Variants in NEBL observed in about 807,000 individuals in gnomAD.
NEBL encodes nebulette.
Under a neutral mutation model 140.2 loss-of-function variants are expected in NEBL, and 122 were observed. The observed-to-expected ratio is 0.87, with a 90% CI of 0.75 to 1.01. The LOEUF (loss-of-function observed/expected upper bound fraction) is 1.01, where lower values mean the gene tolerates loss of function less well. Among genes scored for constraint, NEBL ranks in the 50% least tolerant of loss-of-function variants. The probability of loss-of-function intolerance (pLI) is 0.00; values close to 1 mark genes in which losing one functional copy is unlikely to be tolerated. For missense variants in NEBL, 1,365 were observed against 1,231.3 expected, an observed-to-expected ratio of 1.11 and a Z score of -1.62; for synonymous variants, 436 against 398.9, an observed-to-expected ratio of 1.09 and a Z score of -1.11.
At chr10:20,929,353 T>C (rs1038386978) in intron 4 of NEBL, among the ~76,000 whole-genome samples, 1 of 152,044 alleles carries the variant, frequency 6.6e-6, no homozygotes, top group Admixed American at 6.6e-5. Flanking sequence ...ACCATTTTAT[T>C]TGTCAATATT....
intron 1 of NEBL, among the ~76,000 whole-genome samples, chr10:21,258,176 A>G (rs1242102489): frequency 6.6e-6 from 1 of 152,060 alleles, no homozygotes; most frequent in African/African-American, 2.4e-5. Flanking sequence ...TAGTCCCAGC[A>G]ACTCAGGAGG....
rs56366013 is a variant in NEBL at position 21,113,290 on chromosome 10, T to TAAAAAA, written c.164+59087_164+59092dup. On this transcript the variant is annotated intron_variant, in intron 2 of 6. Coordinates refer to the NEBL transcript ENST00000417816. The stretch of plus-strand genomic sequence containing the variant: ...ACCAAGATCAAAAGGATGAGAATCC[T>TAAAAAA]AAAAAAAAAAAAAAAACCAGGAAAA... The TAAAAAA allele has an allele frequency of 1.6e-3, 201 of 124,008 alleles. 3 individuals are homozygous for TAAAAAA. The highest frequency in any genetic ancestry group is 0.011 in the East Asian group (28 of 2,524). The allele number at this position is 124,008 out of a possible 1,614,324, so 7.7% of individuals were successfully genotyped here.
At chr10:20,944,493 C>A (rs1835059878) in intron 4 of NEBL, among the ~76,000 whole-genome samples, 1 of 152,192 alleles carries the variant, frequency 6.6e-6, no homozygotes, top group South Asian at 2.1e-4. Context: ...TTTAGGTTAA[C>A]TGAGATTTTC....
chr10:21,100,596 G>T (rs960716741), intron 2 of NEBL, among the ~76,000 whole-genome samples: 1 of 152,174 alleles, frequency 6.6e-6, no homozygotes, highest in Non-Finnish European at 1.5e-5. Context: ...GGCTTGGGGA[G>T]GAAAGTTCTT....
At chr10:21,078,697 A>G (rs1164565943) in intron 2 of NEBL, among the ~76,000 whole-genome samples, 6 of 152,262 alleles carry the variant, frequency 3.9e-5, no homozygotes, top group African/African-American at 1.4e-4. Flanking sequence ...GCTCTACAAC[A>G]TGCCAGAAGA....
At chr10:21,288,492 G>A (rs969632840) in intron 1 of NEBL, among the ~76,000 whole-genome samples, 4 of 151,412 alleles carry the variant, frequency 2.6e-5, no homozygotes, top group Non-Finnish European at 4.4e-5. Context: ...GCCCGACGCG[G>A]TGGCTCATGC....
intron 1 of NEBL, among the ~76,000 whole-genome samples, chr10:21,286,127 T>G (rs1843052245): frequency 6.6e-6 from 1 of 152,246 alleles, no homozygotes; most frequent in African/African-American, 2.4e-5. Context: ...ACTGGATGAA[T>G]GAATGGATTT....
chr10:21,100,877 A>G (rs1172303258), intron 2 of NEBL, among the ~76,000 whole-genome samples: 1 of 152,254 alleles, frequency 6.6e-6, no homozygotes, highest in Non-Finnish European at 1.5e-5. Flanking sequence ...TTAGATGATG[A>G]TAACAAATTT....
At chr10:20,989,526 A>T (rs1253789714) in intron 3 of NEBL, among the ~76,000 whole-genome samples, 1 of 152,236 alleles carries the variant, frequency 6.6e-6, no homozygotes, top group African/African-American at 2.4e-5. Context: ...ATGGATGAAT[A>T]AACAACCAAA....
chr10:21,232,580 T>A (rs1298538149), intron 3 of NEBL, among the ~76,000 whole-genome samples: 2 of 152,180 alleles, frequency 1.3e-5, no homozygotes, highest in African/African-American at 2.4e-5. Flanking sequence ...TAGATTTTCA[T>A]AAGGAGCATG....
At chr10:20,870,144 T>C (rs1261261484) in intron 5 of NEBL, among the ~76,000 whole-genome samples, 1 of 151,782 alleles carries the variant, frequency 6.6e-6, no homozygotes, top group African/African-American at 2.4e-5. Context: ...CTGGCCAACA[T>C]GGTGAAACCC....
At chr10:20,936,022 G>C (rs1315741677) in intron 4 of NEBL, among the ~76,000 whole-genome samples, 1 of 152,096 alleles carries the variant, frequency 6.6e-6, no homozygotes, top group African/African-American at 2.4e-5. Flanking sequence ...TGTTGCAAAT[G>C]GCAATAAATT....
chr10:21,037,645 T>C (rs1022310431), intron 2 of NEBL, among the ~76,000 whole-genome samples: 7 of 152,144 alleles, frequency 4.6e-5, no homozygotes, highest in Non-Finnish European at 7.3e-5. Flanking sequence ...TATGGGTTTG[T>C]CAAAACTCAT....
intron 3 of NEBL, among the ~76,000 whole-genome samples, chr10:20,985,984 G>C (rs1837243234): frequency 6.6e-6 from 1 of 152,134 alleles, no homozygotes; most frequent in African/African-American, 2.4e-5. Context: ...AGGTTAAGGG[G>C]ATTTGATCTA....
intron 18 of NEBL, among the ~76,000 whole-genome samples, chr10:20,824,666 T>C (rs1839664328): frequency 6.6e-6 from 1 of 152,186 alleles, no homozygotes; most frequent in African/African-American, 2.4e-5. Flanking sequence ...TACAGAACTA[T>C]GCATTTATTG....
intron 5 of NEBL, among the ~76,000 whole-genome samples, chr10:20,874,989 TTGGCC>T (rs1163928788): frequency 2.0e-5 from 3 of 152,192 alleles, no homozygotes; most frequent in African/African-American, 7.2e-5. Context: ...TCCTCTCACC[TTGGCC>T]TCCCAACGTG....
chr10:21,018,998 G>T (rs765821246), intron 3 of NEBL, among the ~76,000 whole-genome samples: 3 of 152,198 alleles, frequency 2.0e-5, no homozygotes, highest in Non-Finnish European at 4.4e-5. Context: ...CTGTACTCCA[G>T]CCTGGGCAAC....
chr10:21,066,387 C>T (rs1022444002), intron 2 of NEBL, among the ~76,000 whole-genome samples: 4 of 151,852 alleles, frequency 2.6e-5, no homozygotes, highest in African/African-American at 9.7e-5. Flanking sequence ...GATAGCAATT[C>T]GTTGTTGATA....
In NEBL at chr10:20,852,642, T is replaced by A. The variant is rs753872460; in HGVS notation, c.911A>T (p.Tyr304Phe). 5 of 1,608,928 alleles carry A rather than the reference T, an allele frequency of 3.1e-6. No individual in the cohort carries two copies. The highest frequency in any genetic ancestry group is 4.3e-6 in the Non-Finnish European group (5 of 1,175,562). The change falls in exon 10 of 28, where the codon TAT (tyrosine) becomes TTT (phenylalanine). Residue 304 changes from tyrosine to phenylalanine, a missense_variant. Around this residue, in one of 2 missense-constraint regions of NEBL, gnomAD observed 1,323 missense variants for 1,154.8 expected, o/e 1.15. Coordinates refer to ENST00000377122, the MANE Select transcript of NEBL (RefSeq NM_006393.3). ...KASKMLSGRE[Y>F]KKLFEENKGM... ...TTTGTTTTCCTCAAAGAGCTTTTTA[T>A]ATTCTCGCTAAAATACAGAATGGGG... is the stretch of plus-strand genomic sequence containing the variant.
Sources: gnomAD v4.1 joint callset for allele counts (sites outside exome capture counted in the v4.1 genomes callset) on GRCh38, gnomAD v4.1.1 for gene constraint, gnomAD v4.1.1 regional missense constraint, MANE v1.5 for transcripts, NCBI Gene and HGNC (gene_info 2026-07-23, HGNC 2026-07-21) for gene names.